SMURF2: variants seen among roughly 807,000 people sequenced by gnomAD.
SMURF2 encodes the protein SMAD specific E3 ubiquitin protein ligase 2.
A neutral mutation model predicts 109.6 loss-of-function variants in SMURF2; 48 were observed. The ratio of observed to expected loss-of-function variants is 0.44; its 90% CI spans 0.35 to 0.56. The LOEUF is 0.56. SMURF2 is among the 20% of genes least tolerant of loss of function. The pLI, the probability that SMURF2 is intolerant of heterozygous loss-of-function variation, is 0.01. For synonymous variants in SMURF2, 288 were observed against 317.1 expected (o/e 0.91, Z 0.97); for missense variants, 575 against 909.0 (o/e 0.63, Z 4.72).
chr17:64,640,378 A>G (rs890991730), intron 1 of SMURF2, among the ~76,000 whole-genome samples: 4 of 152,204 alleles, frequency 2.6e-5, no homozygotes, highest in African/African-American at 9.7e-5. Context: ...AAAGACTCTG[A>G]GGTGGAAGAG....
intron 1 of SMURF2, among the ~76,000 whole-genome samples, chr17:64,645,694 A>G (rs1241033608): frequency 4.6e-5 from 7 of 152,204 alleles, no homozygotes; most frequent in Non-Finnish European, 8.8e-5. Flanking sequence ...GCTGGTCTCA[A>G]ACGCCTAGGC....
chr17:64,581,091 G>A lies in SMURF2; in HGVS notation c.570-100C>T. 9.6e-7 allele frequency: 1 copy of A among 1,043,460 alleles called. No homozygotes were observed. Among genetic ancestry groups the A allele is most frequent in the Non-Finnish European group, 1.4e-6 (1 of 704,646 alleles). The allele number at this position is 1,043,460 out of a possible 1,614,324, so 64.6% of individuals were successfully genotyped here. On this transcript the variant is annotated intron_variant, in intron 7 of 18. Transcript: ENST00000262435. This position sits in a 1 kb window ranked among gnomAD's most constrained non-coding sequence, Gnocchi z 4.3. ...TACTGCAGTAACAACCACTTATCAT[G>A]TCTGAAAACAGAATGACTAATACAA...
intron 2 of SMURF2, among the ~76,000 whole-genome samples, 156 bp from the exon 3 acceptor site, chr17:64,598,646 T>G (rs1969850877): frequency 6.6e-6 from 1 of 152,234 alleles, no homozygotes; most frequent in Non-Finnish European, 1.5e-5. Context: ...AAAAAAAGAC[T>G]AAAGTTACTT....
At chr17:64,592,211 G>A (rs1555687751) in intron 4 of SMURF2, among the ~76,000 whole-genome samples, 1 of 152,120 alleles carries the variant, frequency 6.6e-6, no homozygotes, top group African/African-American at 2.4e-5. Flanking sequence ...TATACAGCCA[G>A]GGTTTAGAAC....
chr17:64,662,036 G>A lies in SMURF2; in HGVS notation c.-156C>T. On this transcript the variant is annotated 5_prime_UTR_variant, in exon 1 of 19. Coordinates refer to ENST00000262435, the MANE Select transcript of SMURF2 (RefSeq NM_022739.4). ...CGGATGTGCCGAGAGTCGTCGCCAT[G>A]AGCCGCGGAGGGAGCGGGACGCCGA... The A allele has an allele frequency of 2.7e-6, 3 of 1,116,034 alleles. No homozygotes were observed. The highest frequency in any genetic ancestry group is 3.3e-6 in the Non-Finnish European group (3 of 913,994). The allele number at this position is 1,116,034 out of a possible 1,614,324, so 69.1% of individuals were successfully genotyped here.
intron 10 of SMURF2, among the ~76,000 whole-genome samples, chr17:64,564,866 A>G (rs556961796): frequency 2.0e-4 from 30 of 152,280 alleles, no homozygotes; most frequent in Middle Eastern, 6.8e-3. Context: ...AGTTCGTGGT[A>G]TTTTGTTACA....
chr17:64,649,314 A>G (rs1161953707), intron 1 of SMURF2, among the ~76,000 whole-genome samples: 1 of 152,102 alleles, frequency 6.6e-6, no homozygotes, highest in East Asian at 1.9e-4. Context: ...TACTGGCAAG[A>G]GGTGACGCTA....
At chr17:64,593,775 T>A (rs1598285971) in intron 3 of SMURF2, among the ~76,000 whole-genome samples, 2 of 152,218 alleles carry the variant, frequency 1.3e-5, no homozygotes, top group Non-Finnish European at 2.9e-5. Context: ...TTTTATCACA[T>A]CTGCCACTCT....
intron 1 of SMURF2, among the ~76,000 whole-genome samples, chr17:64,629,820 C>T (rs1970313721): frequency 6.6e-6 from 1 of 152,164 alleles, no homozygotes; most frequent in Non-Finnish European, 1.5e-5. Context: ...TATGTCTCTT[C>T]AAATTAAACA....
At chr17:64,551,449 G>T in intron 16 of SMURF2, 135 bp downstream of exon 16, 1 of 954,952 alleles carries the variant, frequency 1.0e-6, no homozygotes. Flanking sequence ...CTTTTCCTGT[G>T]AATAAGAATT....
intron 1 of SMURF2, among the ~76,000 whole-genome samples, chr17:64,647,139 G>A (rs1555693042): frequency 6.6e-6 from 1 of 152,040 alleles, no homozygotes; most frequent in East Asian, 1.9e-4. Context: ...TCAGTGTTAG[G>A]TGCATGTAAG....
chr17:64,572,359 T>C (rs1969409364), intron 9 of SMURF2, among the ~76,000 whole-genome samples: 1 of 152,196 alleles, frequency 6.6e-6, no homozygotes, highest in Non-Finnish European at 1.5e-5. Flanking sequence ...TACTATACCA[T>C]AAAATTTGCA....
At chr17:64,648,251 TGTTA>T (rs1382320616) in intron 1 of SMURF2, among the ~76,000 whole-genome samples, 17 of 152,132 alleles carry the variant, frequency 1.1e-4, no homozygotes, top group Non-Finnish European at 2.1e-4. Flanking sequence ...TTCCAGTGAA[TGTTA>T]GTGATCTTCA....
chr17:64,615,748 A>G (rs1970112194), intron 1 of SMURF2, among the ~76,000 whole-genome samples: 1 of 152,262 alleles, frequency 6.6e-6, no homozygotes, highest in African/African-American at 2.4e-5. Context: ...TGATCAGTTA[A>G]GTAAATGATA....
intron 1 of SMURF2, among the ~76,000 whole-genome samples, chr17:64,611,537 T>C (rs1363193161): frequency 1.3e-5 from 2 of 152,144 alleles, no homozygotes; most frequent in African/African-American, 4.8e-5. Context: ...GAAATCTCCA[T>C]AGCAACCTTC....
chr17:64,561,664 C>A, intron 11 of SMURF2, 61 bp from the exon 12 acceptor site: 1 of 1,261,006 alleles, frequency 7.9e-7, no homozygotes, highest in Non-Finnish European at 1.1e-6. Context: ...ATTACTTAAT[C>A]TCTCCCTGCC....
chr17:64,628,692 T>A (rs1970297993), intron 1 of SMURF2, among the ~76,000 whole-genome samples: 1 of 152,156 alleles, frequency 6.6e-6, no homozygotes, highest in South Asian at 2.1e-4. Context: ...AATGGCTCAA[T>A]AACTCAAAAT....
chr17:64,593,791 TG>T (rs1249096006), intron 3 of SMURF2, among the ~76,000 whole-genome samples: 1 of 152,214 alleles, frequency 6.6e-6, no homozygotes, highest in Admixed American at 6.5e-5. Context: ...ACTCTCAAGC[TG>T]GGCTATAATT....
At chr17:64,614,539 T>A (rs1970095943) in intron 1 of SMURF2, among the ~76,000 whole-genome samples, 1 of 152,234 alleles carries the variant, frequency 6.6e-6, no homozygotes, top group African/African-American at 2.4e-5. Context: ...CATTCTTAAG[T>A]CTACACTCCC....
Sources: gnomAD v4.1 joint callset for allele counts (sites outside exome capture counted in the v4.1 genomes callset) on GRCh38, gnomAD v4.1.1 for gene constraint, Gnocchi (gnomAD v3.1) non-coding constraint, MANE v1.5 for transcripts, NCBI Gene and HGNC (gene_info 2026-07-23, HGNC 2026-07-21) for gene names.